INPP4B: variants seen among roughly 807,000 people sequenced by gnomAD.
INPP4B encodes inositol polyphosphate 4-phosphatase type II.
In INPP4B, 55 loss-of-function variants were observed where a neutral mutation model predicts 122.5. That is an observed-to-expected ratio of 0.45 (90% CI 0.36 to 0.56). The LOEUF (loss-of-function observed/expected upper bound fraction) is 0.56. Ranked by LOEUF, INPP4B falls within the 20% of genes least tolerant of loss-of-function variation. The pLI, the probability that INPP4B is intolerant of heterozygous loss-of-function variation, is 0.00. For missense variants in INPP4B, 1,000 were observed against 1,097.7 expected (o/e 0.91, Z 1.26); for synonymous variants, 403 against 388.7 (o/e 1.04, Z -0.43).
intron 18 of INPP4B, among the ~76,000 whole-genome samples, chr4:142,129,419 T>A (rs2152779769): frequency 6.6e-6 from 1 of 152,368 alleles, no homozygotes; most frequent in African/African-American, 2.4e-5. Flanking sequence ...GGCACAATTT[T>A]GCAGTGTGAA....
intron 12 of INPP4B, among the ~76,000 whole-genome samples, chr4:142,210,947 G>A (rs1463779776): frequency 6.6e-6 from 1 of 152,110 alleles, no homozygotes; most frequent in Non-Finnish European, 1.5e-5. Context: ...TATTCTGTGA[G>A]GAGTATCTTG....
intron 2 of INPP4B, among the ~76,000 whole-genome samples, chr4:142,624,451 G>A (rs1416192604): frequency 6.6e-6 from 1 of 151,794 alleles, no homozygotes; most frequent in Non-Finnish European, 1.5e-5. Flanking sequence ...TGAGTTCATT[G>A]TAGATGCTGG....
intron 5 of INPP4B, among the ~76,000 whole-genome samples, chr4:142,409,365 T>C (rs1399121374): frequency 6.6e-6 from 1 of 151,880 alleles, no homozygotes; most frequent in Non-Finnish European, 1.5e-5. Context: ...TGGTGGTGGG[T>C]GCCTTTAATC....
chr4:142,139,768 T>G (rs1430081774), intron 18 of INPP4B, among the ~76,000 whole-genome samples: 1 of 152,162 alleles, frequency 6.6e-6, no homozygotes, highest in Non-Finnish European at 1.5e-5. Context: ...AGCAAGACAT[T>G]GATAACTGGT....
At chr4:142,793,912 T>C (rs1332409634) in intron 1 of INPP4B, among the ~76,000 whole-genome samples, 2 of 151,886 alleles carry the variant, frequency 1.3e-5, no homozygotes, top group African/African-American at 4.8e-5. Context: ...TAAAGGAAAC[T>C]AAACAAATGG....
At chr4:142,574,040 G>C (rs567718583) in intron 2 of INPP4B, among the ~76,000 whole-genome samples, 15 of 152,102 alleles carry the variant, frequency 9.9e-5, no homozygotes, top group African/African-American at 3.1e-4. Flanking sequence ...AAGTCAAAGG[G>C]TAAAAAGTAC....
rs1764977767 is a variant in INPP4B at position 142,723,685 on chromosome 4, A to T, written c.-191+2154T>A. 2.0e-5 allele frequency among the ~76,000 whole-genome samples: 3 copies of T among 152,130 alleles called. No homozygotes were observed. The South Asian group carries it at 6.2e-4, about 31-fold the overall frequency. On this transcript the variant is annotated intron_variant, in intron 2 of 25. Coordinates refer to ENST00000262992, the MANE Select transcript of INPP4B (RefSeq NM_001101669.3). ...CCTACACAAAATGAATGTGTTAGTC[A>T]TCATGTATACTAAGAAAAGCTGAAT...
intron 2 of INPP4B, among the ~76,000 whole-genome samples, chr4:142,532,689 ATAAG>A (rs1399138681): frequency 2.6e-5 from 4 of 152,190 alleles, no homozygotes; most frequent in African/African-American, 9.6e-5. Flanking sequence ...CAAAAACAGA[ATAAG>A]TAAAACATCT....
rs182132111 is a variant in INPP4B, at chr4:142,429,059, C to A, written c.136+114G>T. On this transcript the variant is annotated intron_variant, in intron 5 of 25. Transcript: ENST00000262992. ...TTATAGAACAATTTTAAAAATAGAA[C>A]AATGTTCATAAAAATTTGTCAAATA... 1.2e-5 allele frequency: 7 copies of A among 560,408 alleles called. No individual in the cohort carries two copies. In the Admixed American group the frequency reaches 2.1e-4, roughly 17 times the overall value. 34.7% of individuals were successfully genotyped at this position (560,408 alleles called of 1,614,324 possible).
intron 7 of INPP4B, among the ~76,000 whole-genome samples, chr4:142,354,986 G>A (rs1783108888): frequency 6.6e-6 from 1 of 151,948 alleles, no homozygotes; most frequent in African/African-American, 2.4e-5. Flanking sequence ...CGTGGCTCGA[G>A]TGGGGCTTGG....
chr4:142,757,336 C>T (rs956987882), intron 1 of INPP4B, among the ~76,000 whole-genome samples: 10 of 152,108 alleles, frequency 6.6e-5, no homozygotes, highest in Non-Finnish European at 1.3e-4. Context: ...TCTTGATGTA[C>T]ATTCTATGGG....
chr4:142,362,383 T>A (rs1785746211), intron 7 of INPP4B, among the ~76,000 whole-genome samples: 1 of 151,956 alleles, frequency 6.6e-6, no homozygotes, highest in South Asian at 2.1e-4. Context: ...CAAAACACAC[T>A]GTGAAGAGAA....
At chr4:142,527,914 G>A (rs1827136457) in intron 2 of INPP4B, among the ~76,000 whole-genome samples, 1 of 151,410 alleles carries the variant, frequency 6.6e-6, no homozygotes, top group Admixed American at 6.6e-5. Context: ...TTGCACTGGT[G>A]GTACAAATAA....
At chr4:142,220,925 C>T (rs1210761067) in intron 12 of INPP4B, among the ~76,000 whole-genome samples, 3 of 152,092 alleles carry the variant, frequency 2.0e-5, no homozygotes, top group Non-Finnish European at 4.4e-5. Flanking sequence ...TTAGGGCCCA[C>T]CCTAATGGCC....
intron 1 of INPP4B, among the ~76,000 whole-genome samples, chr4:142,731,364 G>C (rs1470801698): frequency 6.6e-6 from 1 of 152,034 alleles, no homozygotes; most frequent in African/African-American, 2.4e-5. Context: ...TTTCTGCCAG[G>C]CATAGCATTT....
intron 1 of INPP4B, among the ~76,000 whole-genome samples, chr4:142,807,619 A>G (rs79427678): frequency 0.064 from 9,812 of 152,178 alleles, 541 homozygotes; most frequent in African/African-American, 0.15. Context: ...GGAAGGAGCA[A>G]GACCAAAGCG....
chr4:142,448,149 C>A (rs1580088962), intron 3 of INPP4B, among the ~76,000 whole-genome samples: 1 of 151,886 alleles, frequency 6.6e-6, no homozygotes, highest in East Asian at 1.9e-4. Context: ...ACATGATTAG[C>A]TATATTCTTG....
chr4:142,437,740 A>G (rs559602686), intron 3 of INPP4B, among the ~76,000 whole-genome samples: 3 of 152,330 alleles, frequency 2.0e-5, no homozygotes, highest in South Asian at 4.1e-4. Flanking sequence ...AGAAAATACT[A>G]TAAACACCTC....
At chr4:142,618,874 AAAAT>A (rs558966100) in intron 2 of INPP4B, among the ~76,000 whole-genome samples, 1,834 of 151,518 alleles carry the variant, frequency 0.012, 32 homozygotes, top group African/African-American at 0.04. Flanking sequence ...ACTCAATGGC[AAAAT>A]AAATAAATAA....
Sources: gnomAD v4.1 joint callset for allele counts (sites outside exome capture counted in the v4.1 genomes callset) on GRCh38, gnomAD v4.1.1 for gene constraint, MANE v1.5 for transcripts, NCBI Gene and HGNC (gene_info 2026-07-23, HGNC 2026-07-21) for gene names.